RB1: variants seen among roughly 807,000 people sequenced by gnomAD.
RB1 encodes the protein retinoblastoma-associated protein.
A neutral mutation model predicts 135.4 loss-of-function variants in RB1; 18 were observed. That is an observed-to-expected ratio of 0.13 (90% confidence interval 0.09 to 0.20). The LOEUF is 0.20. RB1 is among the 10% of genes least tolerant of loss of function. The pLI, the probability that RB1 is intolerant of heterozygous loss-of-function variation, is 1.00. For synonymous variants in RB1, 365 were observed against 373.2 expected, an observed-to-expected ratio of 0.98 and a Z score of 0.25; for missense variants, 868 against 1,110.0, an observed-to-expected ratio of 0.78 and a Z score of 3.10.
At chr13:48,345,328 T>C in intron 4 of RB1, 129 bp downstream of exon 4, 1 of 1,059,184 alleles carries the variant, frequency 9.4e-7, no homozygotes, top group East Asian at 2.4e-5. Context: ...TCCCTTTTAA[T>C]GTTAGCTCAT....
intron 17 of RB1, among the ~76,000 whole-genome samples, chr13:48,401,619 G>A (rs772329628): frequency 6.6e-6 from 1 of 152,070 alleles, no homozygotes. Flanking sequence ...CACATTTGTG[G>A]TCCTTGGTGT....
chr13:48,465,488 CT>C, intron 23 of RB1, 120 bp downstream of exon 23: 1 of 1,086,052 alleles, frequency 9.2e-7, no homozygotes, highest in Non-Finnish European at 1.4e-6. Flanking sequence ...ACTCTATTTG[CT>C]TATTTAAGTA....
At chr13:48,328,901 TA>T (rs1952310778) in intron 2 of RB1, among the ~76,000 whole-genome samples, 1 of 152,154 alleles carries the variant, frequency 6.6e-6, no homozygotes, top group East Asian at 1.9e-4. Context: ...TATATAAATA[TA>T]ATATAGATCT....
intron 2 of RB1, chr13:48,318,514 C>T: frequency 9.8e-7 from 1 of 1,015,568 alleles, no homozygotes; most frequent in Non-Finnish European, 1.4e-6. Context: ...ATGCGAGTGT[C>T]GCCGGGCCCC....
chr13:48,446,639 G>A (rs575382835), intron 17 of RB1, among the ~76,000 whole-genome samples: 112 of 152,276 alleles, frequency 7.4e-4, no homozygotes, highest in African/African-American at 2.6e-3. Context: ...GAGGAGATAT[G>A]TGAATAATGG....
At chr13:48,383,203 CATT>C (rs1948550047) in intron 17 of RB1, among the ~76,000 whole-genome samples, 1 of 151,646 alleles carries the variant, frequency 6.6e-6, no homozygotes, top group Non-Finnish European at 1.5e-5. Flanking sequence ...CATTTTTTCC[CATT>C]ATTAAAGTAT....
At chr13:48,421,135 A>C (rs576300787) in intron 17 of RB1, among the ~76,000 whole-genome samples, 55 of 152,354 alleles carry the variant, frequency 3.6e-4, no homozygotes, top group African/African-American at 1.3e-3. Flanking sequence ...TTCAAACTAT[A>C]CTACAAGGCT....
At chr13:48,445,506 C>G (rs1949279791) in intron 17 of RB1, among the ~76,000 whole-genome samples, 1 of 152,168 alleles carries the variant, frequency 6.6e-6, no homozygotes, top group Non-Finnish European at 1.5e-5. Context: ...GAAAGAACAT[C>G]AGTTTCTTAG....
At chr13:48,321,389 G>A (rs1290966290) in intron 2 of RB1, among the ~76,000 whole-genome samples, 7 of 136,520 alleles carry the variant, frequency 5.1e-5, no homozygotes, top group African/African-American at 1.8e-4. Flanking sequence ...CCCGGGCCCC[G>A]CCTCCCCGCG....
chr13:48,440,781 A>T (rs1949229340), intron 17 of RB1, among the ~76,000 whole-genome samples: 2 of 152,222 alleles, frequency 1.3e-5, no homozygotes. Flanking sequence ...TTAAAAAATT[A>T]ATGTATTCAT....
intron 1 of RB1, among the ~76,000 whole-genome samples, chr13:48,304,685 G>A (rs1952063772): frequency 6.6e-6 from 1 of 152,312 alleles, no homozygotes; most frequent in Non-Finnish European, 1.5e-5. Context: ...GATTGATGGA[G>A]CGTAACTCTT....
At chr13:48,318,287 C>T in intron 2 of RB1, 1 of 1,093,742 alleles carries the variant, frequency 9.1e-7, no homozygotes, top group Non-Finnish European at 1.3e-6. Flanking sequence ...GGAGCCCGCC[C>T]AGCTGCTCCA....
At chr13:48,363,834 T>A (rs146997635) in intron 8 of RB1, among the ~76,000 whole-genome samples, 2 of 152,220 alleles carry the variant, frequency 1.3e-5, no homozygotes, top group African/African-American at 4.8e-5. Flanking sequence ...CAGGGACTGA[T>A]AGCTTATTAT....
intron 17 of RB1, among the ~76,000 whole-genome samples, chr13:48,398,616 G>A (rs1356802153): frequency 6.6e-6 from 1 of 151,734 alleles, no homozygotes; most frequent in Non-Finnish European, 1.5e-5. Flanking sequence ...TAAGTAATTT[G>A]TCTGAGGTCA....
At chr13:48,473,896 C>T (rs1285224178) in intron 24 of RB1, among the ~76,000 whole-genome samples, 1 of 152,188 alleles carries the variant, frequency 6.6e-6, no homozygotes, top group African/African-American at 2.4e-5. Context: ...ACACTTCCGT[C>T]TGACTTGAAT....
intron 2 of RB1, chr13:48,328,162 T>C (rs952499457): frequency 7.1e-6 from 10 of 1,416,024 alleles, no homozygotes; most frequent in African/African-American, 1.4e-5. Context: ...AACCCATGCT[T>C]TCCTTTATTG....
chr13:48,389,648 T>C (rs406098), intron 17 of RB1: 118,995 of 152,100 alleles, frequency 0.78, 52,274 homozygotes, highest in Non-Finnish European at 0.97. Flanking sequence ...GGGTGGTTTG[T>C]CTCCGACTAT....
intron 26 of RB1, among the ~76,000 whole-genome samples, chr13:48,478,872 T>A (rs1182061450): frequency 1.3e-5 from 2 of 152,184 alleles, no homozygotes; most frequent in African/African-American, 4.8e-5. Context: ...TAAGAATTTT[T>A]AAGAAATTTA....
chr13:48,452,901 A>G, intron 17 of RB1, 92 bp from the exon 18 acceptor site: 1 of 1,552,300 alleles, frequency 6.4e-7, no homozygotes, highest in Non-Finnish European at 8.7e-7. Context: ...TAAAATTCAT[A>G]GTACTTACCA....
Sources: gnomAD v4.1 joint callset for allele counts (sites outside exome capture counted in the v4.1 genomes callset) on GRCh38, gnomAD v4.1.1 for gene constraint, MANE v1.5 for transcripts, NCBI Gene and HGNC (gene_info 2026-07-23, HGNC 2026-07-21) for gene names.